LIN54: variants seen among roughly 807,000 people sequenced by gnomAD.
LIN54 encodes the protein lin-54 DREAM MuvB core complex component.
In LIN54, 9 loss-of-function variants were observed where a neutral mutation model predicts 78.7. The ratio of observed to expected loss-of-function variants is 0.11; its 90% confidence interval spans 0.07 to 0.20. The LOEUF (loss-of-function observed/expected upper bound fraction) is 0.20. Ranked by LOEUF, LIN54 falls within the 10% of genes least tolerant of loss-of-function variation. The probability of loss-of-function intolerance (pLI) is 1.00; values close to 1 mark genes in which losing one functional copy is unlikely to be tolerated. For missense variants in LIN54, 573 were observed against 889.9 expected (o/e 0.64, Z 4.53); for synonymous variants, 269 against 318.4 (o/e 0.84, Z 1.65).
At chr4:82,930,870 C>T in intron 12 of LIN54, 73 bp downstream of exon 12, 1 of 1,398,056 alleles carries the variant, frequency 7.2e-7, no homozygotes, top group Non-Finnish European at 1.0e-6. Context: ...ATAAACTCAA[C>T]TTTGCCCCCT....
intron 4 of LIN54, among the ~76,000 whole-genome samples, chr4:82,948,178 T>C (rs1167792815): frequency 6.6e-6 from 1 of 152,114 alleles, no homozygotes; most frequent in Non-Finnish European, 1.5e-5. Context: ...ACATAGATAG[T>C]CCTTACTATA....
At chr4:82,993,352 G>C (rs28615685) in intron 1 of LIN54, among the ~76,000 whole-genome samples, 53,505 of 150,528 alleles carry the variant, frequency 0.36, 11,438 homozygotes, top group African/African-American at 0.59. Context: ...AAGTAGCTGG[G>C]ATTATAGGCA....
Position 82,939,536 on chromosome 4 carries a change from T to C in LIN54, c.1440+3A>G. The C allele has an allele frequency of 6.2e-7, 1 of 1,613,016 alleles. No homozygotes were observed. Among genetic ancestry groups the C allele is most frequent in the Non-Finnish European group, 8.5e-7 (1 of 1,178,938 alleles). ...ATACAATGACTTCATTTTTTCCACA[T>C]ACCTGAGTAACATACTGAGCTGGAA... On this transcript the variant is annotated splice_donor_region_variant and intron_variant, in intron 7 of 12. Transcript: ENST00000340417.
intron 2 of LIN54, 98 bp from the exon 3 acceptor site, chr4:82,979,104 A>T: frequency 1.1e-6 from 1 of 880,236 alleles, no homozygotes; most frequent in Non-Finnish European, 1.7e-6. Context: ...CACATGTAAA[A>T]CCAGCTCACT....
chr4:82,978,879 T>C lies in LIN54; in HGVS notation c.808+4A>G. On this transcript the variant is annotated splice_donor_region_variant and intron_variant, in intron 3 of 12. Coordinates refer to ENST00000340417, the MANE Select transcript of LIN54 (RefSeq NM_194282.4). Reference sequence around the variant, plus strand: ...TAGCTTAATAAACTATAAAGAAATATAACCTGCAATAACTGGTGGTGAAAC... The same window carrying C: ...TAGCTTAATAAACTATAAAGAAATACAACCTGCAATAACTGGTGGTGAAAC... 6.6e-7 allele frequency: 1 copy of C among 1,507,148 alleles called. No individual in the cohort carries two copies. Among genetic ancestry groups the C allele is most frequent in the East Asian group, 2.3e-5 (1 of 43,994 alleles). The allele number at this position is 1,507,148 out of a possible 1,614,324, so 93.4% of individuals were successfully genotyped here.
At chr4:82,944,255 A>C (rs2126042165) in intron 5 of LIN54, among the ~76,000 whole-genome samples, 1 of 152,298 alleles carries the variant, frequency 6.6e-6, no homozygotes, top group Middle Eastern at 3.4e-3. Flanking sequence ...GCTAATGAAT[A>C]AATTAATGTT....
chr4:82,989,104 C>T (rs1288634421), intron 1 of LIN54, among the ~76,000 whole-genome samples: 1 of 151,712 alleles, frequency 6.6e-6, no homozygotes, highest in Admixed American at 6.6e-5. Flanking sequence ...AGGAAAATGG[C>T]GTGAACCCGG....
intron 1 of LIN54, among the ~76,000 whole-genome samples, chr4:82,996,647 A>G (rs953966659): frequency 2.0e-4 from 31 of 151,786 alleles, no homozygotes; most frequent in Non-Finnish European, 4.1e-4. Context: ...CTCATGATCC[A>G]CCCATCTCAG....
At chr4:83,001,330 T>A (rs1223599912) in intron 1 of LIN54, among the ~76,000 whole-genome samples, 2 of 103,048 alleles carry the variant, frequency 1.9e-5, no homozygotes, top group African/African-American at 7.3e-5. Context: ...GGTGAGGGGA[T>A]CACTTGAGCC....
At chr4:83,001,523 C>T (rs1457238681) in intron 1 of LIN54, among the ~76,000 whole-genome samples, 1 of 151,810 alleles carries the variant, frequency 6.6e-6, no homozygotes, top group Non-Finnish European at 1.5e-5. Context: ...GCACTCCAGC[C>T]TGAGCAGGAG....
At position 82,984,597 on chromosome 4, in the gene LIN54, G is replaced by T; in HGVS notation, c.248C>A (p.Thr83Asn). The change falls in exon 2 of 13, where the codon ACT becomes AAT. Residue 83 changes from threonine (T) to asparagine (N), a missense_variant. Thr to Asn is a moderately conservative substitution (Grantham distance 65). Coordinates refer to ENST00000340417, the MANE Select transcript of LIN54 (RefSeq NM_194282.4). ...CACTGTGGTATTAGAATCTGCTTTAGTAATTGTGGTATTCACTGCAACTTG... is the reference window on the plus strand; with the variant it reads ...CACTGTGGTATTAGAATCTGCTTTATTAATTGTGGTATTCACTGCAACTTG... ...TNQVAVNTTI[T>N]KADSNTTVKP... 6.2e-7 allele frequency: 1 copy of T among 1,614,210 alleles called. No homozygotes were observed. The highest frequency in any genetic ancestry group is 8.5e-7 in the Non-Finnish European group (1 of 1,180,040).
At chr4:82,963,979 T>C (rs1305580638) in intron 4 of LIN54, among the ~76,000 whole-genome samples, 3 of 152,274 alleles carry the variant, frequency 2.0e-5, no homozygotes, top group Non-Finnish European at 4.4e-5. Context: ...TTTTTATGTA[T>C]ATAATAATGT....
intron 1 of LIN54, among the ~76,000 whole-genome samples, chr4:83,004,187 G>A (rs887061995): frequency 2.0e-5 from 3 of 152,000 alleles, no homozygotes; most frequent in African/African-American, 7.2e-5. Context: ...TGCGAGGTCA[G>A]GAGTTTGAGA....
At chr4:82,973,965 C>T (rs1725901432) in intron 3 of LIN54, among the ~76,000 whole-genome samples, 1 of 152,252 alleles carries the variant, frequency 6.6e-6, no homozygotes, top group East Asian at 1.9e-4. Flanking sequence ...AATCCCAGCA[C>T]TTTGGGAGGA....
Position 82,942,821 on chromosome 4 carries a change from T to C in LIN54, c.1169-2859A>G, listed in dbSNP as rs565425503. On this transcript the variant is annotated intron_variant, in intron 5 of 12. Transcript: ENST00000340417. ...CATTAAATGGGGACTATCCCTGCCTTCTCCTCATACACATGCACAAATGTG... is the reference window on the plus strand; with the variant it reads ...CATTAAATGGGGACTATCCCTGCCTCCTCCTCATACACATGCACAAATGTG... 6.0e-5 allele frequency among the ~76,000 whole-genome samples: 9 copies of C among 151,212 alleles called. No homozygotes were observed. In the South Asian group the frequency reaches 1.9e-3, roughly 32 times the overall value.
intron 4 of LIN54, among the ~76,000 whole-genome samples, chr4:82,962,662 A>G (rs561608480): frequency 5.3e-5 from 8 of 152,170 alleles, no homozygotes; most frequent in African/African-American, 1.9e-4. Context: ...GGGCCAAATG[A>G]AAATGCTAGA....
chr4:83,004,197 A>T (rs1578667593), intron 1 of LIN54, among the ~76,000 whole-genome samples: 1 of 151,890 alleles, frequency 6.6e-6, no homozygotes, highest in African/African-American at 2.4e-5. Context: ...GGAGTTTGAG[A>T]CCAGCCTGGC....
At chr4:82,930,287 C>A (rs556791616) in intron 12 of LIN54, among the ~76,000 whole-genome samples, 1 of 152,162 alleles carries the variant, frequency 6.6e-6, no homozygotes, top group Non-Finnish European at 1.5e-5. Context: ...TTTCTAATAC[C>A]AGTCCAGTCC....
rs1221012152 is a variant in LIN54 at position 82,930,554 on chromosome 4, T to C, written c.2048+389A>G. On this transcript the variant is annotated intron_variant, in intron 12 of 12. Coordinates refer to ENST00000340417, the MANE Select transcript of LIN54 (RefSeq NM_194282.4). Reference sequence around the variant, plus strand: ...ACGGAGCTGCACTATTACAGTGTGATGGGTGGTCCAATAGGATGGGAAAAG... The same window carrying C: ...ACGGAGCTGCACTATTACAGTGTGACGGGTGGTCCAATAGGATGGGAAAAG... Among the ~76,000 whole-genome samples the C allele has an allele frequency of 2.0e-5, 3 of 152,152 alleles. No individual in the cohort carries two copies. In the East Asian group the frequency reaches 5.8e-4, roughly 29 times the overall value.
Sources: allele counts gnomAD v4.1 joint callset (sites outside exome capture counted in the v4.1 genomes callset), GRCh38; gene constraint gnomAD v4.1.1; transcripts MANE v1.5; gene names NCBI Gene and HGNC (gene_info 2026-07-23, HGNC 2026-07-21).